The following CDC14B variants were observed in gnomAD, a reference collection of about 807,000 sequenced individuals.
CDC14B encodes the protein cell division cycle 14B.
In CDC14B, 22 loss-of-function variants were observed where a neutral mutation model predicts 64.2. The observed-to-expected ratio is 0.34, with a 90% CI of 0.24 to 0.49. CDC14B has a LOEUF of 0.49. CDC14B is among the 20% of genes least tolerant of loss of function. CDC14B has a pLI of 0.99. For synonymous variants in CDC14B, 191 were observed against 215.8 expected, an observed-to-expected ratio of 0.89 and a Z score of 1.01; for missense variants, 498 against 629.9, an observed-to-expected ratio of 0.79 and a Z score of 2.24.
intron 13 of CDC14B, chr9:96,493,317 G>C (rs565228614): frequency 6.6e-6 from 1 of 152,524 alleles, no homozygotes; most frequent in East Asian, 1.9e-4. Context: ...TCAGCCTTCT[G>C]CAAGGACCGT....
At chr9:96,506,224 A>G (rs569693748) in intron 13 of CDC14B, among the ~76,000 whole-genome samples, 39 of 152,308 alleles carry the variant, frequency 2.6e-4, no homozygotes, top group African/African-American at 8.7e-4. Flanking sequence ...TTTCAACTCA[A>G]TACTTTAAAT....
chr9:96,540,857 G>A (rs769800575), intron 6 of CDC14B, among the ~76,000 whole-genome samples: 13 of 152,104 alleles, frequency 8.5e-5, no homozygotes, highest in Non-Finnish European at 1.9e-4. Flanking sequence ...AGAGCTCATG[G>A]CAACTACCCC....
At chr9:96,577,732 C>T (rs1844897053) in intron 1 of CDC14B, among the ~76,000 whole-genome samples, 1 of 152,140 alleles carries the variant, frequency 6.6e-6, no homozygotes, top group Non-Finnish European at 1.5e-5. Context: ...TATTTACATA[C>T]AAAAAATAAA....
At chr9:96,594,098 A>ATTATACGT (rs1227762803) in intron 1 of CDC14B, among the ~76,000 whole-genome samples, 1 of 152,208 alleles carries the variant, frequency 6.6e-6, no homozygotes, top group Non-Finnish European at 1.5e-5. Context: ...ACCAAAATAC[A>ATTATACGT]TTATACGTTT....
rs1387214526 is a variant in CDC14B, at chr9:96,503,454, C to A, written c.*299G>T. The A allele has an allele frequency of 2.0e-5, 8 of 398,574 alleles. No individual in the cohort carries two copies. The East Asian group carries it at 3.9e-4, about 19-fold the overall frequency. The allele number at this position is 398,574 out of a possible 1,614,324, so 24.7% of individuals were successfully genotyped here. A position where few individuals can be genotyped will look rare whatever the true frequency, so the allele number is the denominator to read the frequency against. ...TGCCATCACAGGGACACACATGCAC[C>A]ACAGACCAGCCAGCTCCCTGGGTAC... On this transcript the variant is annotated 3_prime_UTR_variant, in exon 14 of 14. Coordinates refer to ENST00000375241, the MANE Select transcript of CDC14B (RefSeq NM_033331.4).
In CDC14B at chr9:96,612,175, A is replaced by G. The variant is rs1847361249; in HGVS notation, c.160+7044T>C. Among the ~76,000 whole-genome samples, 3 of 152,220 alleles carry G rather than the reference A, an allele frequency of 2.0e-5. No individual in the cohort carries two copies. In the South Asian group the frequency reaches 6.2e-4, roughly 31 times the overall value. ...CCAAACCTCCTCCGCTGCTCTGACA[A>G]ATACAGAGCCAGCCTCATCTGGAGC... is the stretch of plus-strand genomic sequence containing the variant. On this transcript the variant is annotated intron_variant, in intron 1 of 13. Coordinates refer to ENST00000375241, the MANE Select transcript of CDC14B (RefSeq NM_033331.4).
intron 5 of CDC14B, among the ~76,000 whole-genome samples, chr9:96,542,699 T>C (rs533635828): frequency 4.0e-4 from 60 of 151,640 alleles, no homozygotes; most frequent in African/African-American, 1.4e-3. Flanking sequence ...CTCATTATGA[T>C]ACCAAGGCTG....
At chr9:96,557,738 C>T in intron 4 of CDC14B, among the ~76,000 whole-genome samples, 1 of 152,144 alleles carries the variant, frequency 6.6e-6, no homozygotes, top group Non-Finnish European at 1.5e-5. Context: ...ATAAAAACTG[C>T]TTAAACATAA....
intron 9 of CDC14B, among the ~76,000 whole-genome samples, chr9:96,524,327 C>T (rs943176646): frequency 2.0e-5 from 3 of 147,400 alleles, no homozygotes; most frequent in African/African-American, 7.5e-5. Context: ...TATGTGTAGC[C>T]GAGGTGGAGA....
chr9:96,504,778 G>C (rs1564189887), intron 13 of CDC14B, among the ~76,000 whole-genome samples: 1 of 152,170 alleles, frequency 6.6e-6, no homozygotes, highest in Non-Finnish European at 1.5e-5. Flanking sequence ...GCAGTGGCAG[G>C]TGTGACACCA....
chr9:96,551,110 G>GTTTTTTTTTTTTTTTTTTTTTTTT (rs1841741325), intron 5 of CDC14B, among the ~76,000 whole-genome samples: 1 of 65,970 alleles, frequency 1.5e-5, no homozygotes, highest in African/African-American at 1.1e-4. Context: ...TTTGGGGTTT[G>GTTTTTTTTTTTTTTTTTTTTTTTT]CTTTTTTTTT....
At chr9:96,579,041 C>A (rs78441108) in intron 1 of CDC14B, among the ~76,000 whole-genome samples, 1 of 152,102 alleles carries the variant, frequency 6.6e-6, no homozygotes, top group Admixed American at 6.5e-5. Flanking sequence ...TGGTCTCGAA[C>A]TCTTGACTTC....
At chr9:96,497,425 A>C (rs1448889828), downstream of CDC14B, among the ~76,000 whole-genome samples, 4 of 152,242 alleles carry the variant, frequency 2.6e-5, no homozygotes, top group Non-Finnish European at 5.9e-5. Context: ...ACGGATAGAC[A>C]CAGGGAGGCT....
At chr9:96,544,241 A>T (rs939833433) in intron 5 of CDC14B, among the ~76,000 whole-genome samples, 6 of 152,144 alleles carry the variant, frequency 3.9e-5, no homozygotes, top group African/African-American at 1.4e-4. Flanking sequence ...TAAAATAAAA[A>T]AAGATTAGTG....
At chr9:96,533,170 T>A (rs1215607777) in intron 9 of CDC14B, among the ~76,000 whole-genome samples, 1 of 152,200 alleles carries the variant, frequency 6.6e-6, no homozygotes, top group Non-Finnish European at 1.5e-5. Context: ...GGTTTCACTA[T>A]TTTGGCCAGG....
rs1372440158 is a variant in CDC14B, at chr9:96,501,415, CAGA to C, written c.*2335_*2337del. The C allele has an allele frequency of 6.6e-6, 1 of 152,154 alleles. No individual in the cohort carries two copies. Among genetic ancestry groups the C allele is most frequent in the Non-Finnish European group, 1.5e-5 (1 of 68,036 alleles). The allele number at this position is 152,154 out of a possible 1,614,324, so 9.4% of individuals were successfully genotyped here. A position where few individuals can be genotyped will look rare whatever the true frequency, so the allele number is the denominator to read the frequency against. On this transcript the variant is annotated 3_prime_UTR_variant, in exon 14 of 14. Coordinates refer to ENST00000375241, the MANE Select transcript of CDC14B (RefSeq NM_033331.4). ...TAACAACGACTCTAAGTCAGAATTC[CAGA>C]AGATTCTGGTTGTTTGTGGTTTCAG...
At chr9:96,555,259 C>T (rs1008818202) in intron 4 of CDC14B, among the ~76,000 whole-genome samples, 5 of 152,172 alleles carry the variant, frequency 3.3e-5, no homozygotes, top group Non-Finnish European at 7.3e-5. Flanking sequence ...TAGCTCCTGT[C>T]ATGCTTTCTC....
intron 7 of CDC14B, among the ~76,000 whole-genome samples, chr9:96,534,755 G>A (rs1839040588): frequency 1.3e-5 from 2 of 152,180 alleles, no homozygotes; most frequent in Admixed American, 1.3e-4. Flanking sequence ...TCTTTTAACA[G>A]TGTTTCATTG....
At chr9:96,551,130 T>TTTTTTTTA (rs1841767054) in intron 5 of CDC14B, among the ~76,000 whole-genome samples, 1 of 127,134 alleles carries the variant, frequency 7.9e-6, no homozygotes, top group African/African-American at 2.9e-5. Flanking sequence ...TTTTTTTTTT[T>TTTTTTTTA]GAGACAAGTT....
Sources: gnomAD v4.1 joint callset for allele counts (sites outside exome capture counted in the v4.1 genomes callset) on GRCh38, gnomAD v4.1.1 for gene constraint, MANE v1.5 for transcripts, NCBI Gene and HGNC (gene_info 2026-07-23, HGNC 2026-07-21) for gene names.